Variants in LYST observed in about 807,000 individuals in gnomAD.
The protein encoded by LYST is lysosomal-trafficking regulator.
In LYST, 192 loss-of-function variants were observed where a neutral mutation model predicts 413.6. The ratio of observed to expected loss-of-function variants is 0.46; its 90% CI spans 0.41 to 0.52. The LOEUF (loss-of-function observed/expected upper bound fraction) is 0.52, where lower values mean the gene tolerates loss of function less well. Ranked by LOEUF, LYST falls within the 20% of genes least tolerant of loss-of-function variation. The pLI, the probability that LYST is intolerant of heterozygous loss-of-function variation, is 0.00. For synonymous variants in LYST, 1,525 were observed against 1,567.3 expected, an observed-to-expected ratio of 0.97 and a Z score of 0.64; for missense variants, 3,815 against 4,499.9, an observed-to-expected ratio of 0.85 and a Z score of 4.35.
chr1:235,869,535 T>C (rs960992010), upstream of LYST, among the ~76,000 whole-genome samples: 1 of 152,250 alleles, frequency 6.6e-6, no homozygotes, highest in African/African-American at 2.4e-5. Flanking sequence ...GAAAACTTTT[T>C]AAGCAGGAAA....
At chr1:235,859,965 TAAAC>T (rs982585125) in intron 1 of LYST, among the ~76,000 whole-genome samples, 1 of 152,254 alleles carries the variant, frequency 6.6e-6, no homozygotes, top group African/African-American at 2.4e-5. Flanking sequence ...GACTTGTTCT[TAAAC>T]AAATTCTGGG....
intron 28 of LYST, among the ~76,000 whole-genome samples, chr1:235,750,542 T>C (rs777683148): frequency 2.0e-5 from 3 of 152,170 alleles, no homozygotes; most frequent in Non-Finnish European, 4.4e-5. Flanking sequence ...TGTGTGTGTG[T>C]GCATGTGTAC....
intron 50 of LYST, among the ~76,000 whole-genome samples, chr1:235,666,637 T>C (rs12057792): frequency 0.11 from 11,592 of 106,472 alleles, 1,461 homozygotes; most frequent in African/African-American, 0.33. Flanking sequence ...CACACACACA[T>C]GCCCAATGTT....
intron 38 of LYST, among the ~76,000 whole-genome samples, chr1:235,726,555 G>A (rs1471038978): frequency 6.6e-6 from 1 of 151,922 alleles, no homozygotes; most frequent in South Asian, 2.1e-4. Context: ...CACACACAAC[G>A]CAAGATACCA....
At chr1:235,753,675 ATTCTCGAG>A (rs1312278593) in intron 25 of LYST, among the ~76,000 whole-genome samples, 1 of 152,198 alleles carries the variant, frequency 6.6e-6, no homozygotes, top group African/African-American at 2.4e-5. Flanking sequence ...AAAGGGAATG[ATTCTCGAG>A]TTCTTATCCC....
intron 30 of LYST, among the ~76,000 whole-genome samples, chr1:235,742,974 G>A (rs1558177462): frequency 6.6e-6 from 1 of 151,944 alleles, no homozygotes; most frequent in Non-Finnish European, 1.5e-5. Flanking sequence ...TACTATTATT[G>A]TTAATCTCTT....
Position 235,804,511 on chromosome 1 carries a change from G to T in LYST, c.3548C>A (p.Thr1183Asn). Residue 1183 changes from threonine to asparagine, a missense_variant, in exon 7 of 53, where the codon ACT becomes AAT. Thr to Asn is a moderately conservative substitution (Grantham distance 65). This residue lies in a region of LYST where 1,648 missense variants were observed against 1,810.3 expected (regional missense o/e 0.91). Transcript: ENST00000389793. Reference sequence around the variant, plus strand: ...ATATGTTGTTATTCATACCTTCTCAGTCATAGCATCATTATGTTCAAAATC... The same window carrying T: ...ATATGTTGTTATTCATACCTTCTCATTCATAGCATCATTATGTTCAAAATC... ...SADFEHNDAMTEKSHQSAEEL... is the reference protein window; with the variant it reads ...SADFEHNDAMNEKSHQSAEEL... 6.2e-7 allele frequency: 1 copy of T among 1,613,158 alleles called. No individual in the cohort carries two copies. Among genetic ancestry groups the T allele is most frequent in the Non-Finnish European group, 8.5e-7 (1 of 1,179,156 alleles).
intron 21 of LYST, among the ~76,000 whole-genome samples, chr1:235,764,747 C>A (rs1379173072): frequency 6.6e-6 from 1 of 151,936 alleles, no homozygotes; most frequent in African/African-American, 2.4e-5. Flanking sequence ...AGGTAATCTG[C>A]CTGCCCCGGC....
chr1:235,722,480 TTTTTG>T (rs577582331), intron 39 of LYST, among the ~76,000 whole-genome samples: 5 of 151,994 alleles, frequency 3.3e-5, no homozygotes, highest in Non-Finnish European at 1.5e-5. Context: ...CTGAGCAAGT[TTTTTG>T]TTTTGTTTTG....
intron 19 of LYST, among the ~76,000 whole-genome samples, chr1:235,772,056 C>T (rs13313053): frequency 0.013 from 1,916 of 149,206 alleles, 47 homozygotes; most frequent in African/African-American, 0.045. Flanking sequence ...GACTTCATCT[C>T]TACAAAAAAA....
At chr1:235,807,418 C>T (rs552956168) in intron 5 of LYST, among the ~76,000 whole-genome samples, 4 of 152,158 alleles carry the variant, frequency 2.6e-5, no homozygotes, top group Non-Finnish European at 4.4e-5. Context: ...CTAGGTGATT[C>T]TCAGCCCTTT....
intron 39 of LYST, among the ~76,000 whole-genome samples, chr1:235,721,264 T>C (rs1199970311): frequency 6.6e-6 from 1 of 152,184 alleles, no homozygotes; most frequent in African/African-American, 2.4e-5. Flanking sequence ...AACAGCACGG[T>C]CTTCTGAATT....
chr1:235,795,235 A>G (rs1369276179), intron 10 of LYST, among the ~76,000 whole-genome samples: 1 of 152,162 alleles, frequency 6.6e-6, no homozygotes, highest in Non-Finnish European at 1.5e-5. Flanking sequence ...AGTACAGAGC[A>G]CAGATAGTTC....
intron 11 of LYST, 51 bp from the exon 12 acceptor site, chr1:235,792,176 A>G (rs1343474526): frequency 2.5e-6 from 3 of 1,193,702 alleles, no homozygotes; most frequent in South Asian, 1.3e-5. Flanking sequence ...AATAAAGTAC[A>G]TAATAATCTT....
In LYST at chr1:235,875,716, C is replaced by T. The variant is rs958598766; in HGVS notation, n.454+7471G>A. 4.6e-5 allele frequency among the ~76,000 whole-genome samples: 7 copies of T among 151,512 alleles called. No homozygotes were observed. In the South Asian group the frequency reaches 8.4e-4, roughly 18 times the overall value. Reference sequence around the variant, plus strand: ...AAAATTAGCCAGGCATGGTGACACACGCCTGTGGTCCCAGCTACTTGGAAG... The same window carrying T: ...AAAATTAGCCAGGCATGGTGACACATGCCTGTGGTCCCAGCTACTTGGAAG... On this transcript the variant is annotated intron_variant and non_coding_transcript_variant, in intron 1 of 11. Coordinates refer to the LYST transcript ENST00000465349.
At chr1:235,728,723 A>G (rs1664110823) in intron 37 of LYST, among the ~76,000 whole-genome samples, 1 of 151,998 alleles carries the variant, frequency 6.6e-6, no homozygotes, top group Admixed American at 6.6e-5. Flanking sequence ...ATCACCCTCG[A>G]GTAGTGAAGT....
chr1:235,829,461 C>G (rs1262355251), intron 3 of LYST: 3 of 152,064 alleles, frequency 2.0e-5, no homozygotes, highest in Non-Finnish European at 4.4e-5. Context: ...GTTACAAACA[C>G]TTCATTATTT....
intron 3 of LYST, among the ~76,000 whole-genome samples, chr1:235,821,917 A>C (rs1032910533): frequency 6.6e-6 from 1 of 152,150 alleles, no homozygotes; most frequent in African/African-American, 2.4e-5. Flanking sequence ...TGCCTAGTAC[A>C]CCCTATCACC....
At chr1:235,730,770 A>G (rs1214546991) in intron 36 of LYST, 77 bp downstream of exon 36, 9 of 1,025,518 alleles carry the variant, frequency 8.8e-6, no homozygotes, top group South Asian at 1.3e-5. Context: ...GCATTATATA[A>G]AATAAATATT....
Sources: gnomAD v4.1 joint callset for allele counts (sites outside exome capture counted in the v4.1 genomes callset) on GRCh38, gnomAD v4.1.1 for gene constraint, gnomAD v4.1.1 regional missense constraint, MANE v1.5 for transcripts, NCBI Gene and HGNC (gene_info 2026-07-23, HGNC 2026-07-21) for gene names.